Variants in LMNTD1 observed in about 807,000 individuals in gnomAD.
The protein encoded by LMNTD1 is lamin tail domain containing 1.
In LMNTD1, 35 loss-of-function variants were observed where a neutral mutation model predicts 50.9. The ratio of observed to expected loss-of-function variants is 0.69; its 90% confidence interval spans 0.53 to 0.91. The LOEUF is 0.91. LMNTD1 is among the 40% of genes least tolerant of loss of function. LMNTD1 has a pLI of 0.00. For synonymous variants in LMNTD1, 153 were observed against 161.9 expected (o/e 0.94, Z 0.42); for missense variants, 470 against 475.5 (o/e 0.99, Z 0.11).
At chr12:25,522,776 T>C (rs1049133675) in intron 6 of LMNTD1, among the ~76,000 whole-genome samples, 3 of 151,916 alleles carry the variant, frequency 2.0e-5, no homozygotes, top group Non-Finnish European at 4.4e-5. Context: ...TGCAAACCTG[T>C]CCCTGCTTTA....
chr12:25,621,891 T>C (rs894622955), intron 1 of LMNTD1, among the ~76,000 whole-genome samples: 1 of 152,218 alleles, frequency 6.6e-6, no homozygotes, highest in South Asian at 2.1e-4. Context: ...CAGAGGGTTC[T>C]GGACAGAAAA....
chr12:25,632,186 T>A (rs1946733734), intron 1 of LMNTD1, among the ~76,000 whole-genome samples: 2 of 152,338 alleles, frequency 1.3e-5, no homozygotes, highest in South Asian at 4.1e-4. Flanking sequence ...TAATTGGTAT[T>A]CCTGAGGAAG....
At chr12:25,559,893 G>T (rs976768449) in intron 1 of LMNTD1, among the ~76,000 whole-genome samples, 1 of 152,054 alleles carries the variant, frequency 6.6e-6, no homozygotes, top group African/African-American at 2.4e-5. Flanking sequence ...TGATGGGGTT[G>T]ATTTTTTCTT....
At chr12:25,549,188 T>G (rs1943606386) in intron 3 of LMNTD1, 138 bp downstream of exon 3, 1 of 566,292 alleles carries the variant, frequency 1.8e-6, no homozygotes, top group Admixed American at 3.3e-5. Context: ...GTTAAGTTAC[T>G]TTTCATAAGA....
At chr12:25,619,270 ATATATATATG>A (rs1170524283) in intron 1 of LMNTD1, among the ~76,000 whole-genome samples, 5,438 of 72,140 alleles carry the variant, frequency 0.075, 145 homozygotes, top group Middle Eastern at 0.11. Flanking sequence ...ATATATATAT[ATATATATATG>A]TATAGCTAAC....
rs1427535453 is a variant in LMNTD1 at position 25,601,764 on chromosome 12, C to A, written c.58+46730G>T. Among the ~76,000 whole-genome samples the A allele has an allele frequency of 2.6e-5, 4 of 151,754 alleles. No homozygotes were observed. In the East Asian group the frequency reaches 7.7e-4, roughly 29 times the overall value. ...ACAATTGCTGCAAAATAAGTTAATC[C>A]TTTTCTTTGACTTATTTATTAATTT... On this transcript the variant is annotated intron_variant, in intron 1 of 7. Transcript: ENST00000445693.
At chr12:25,481,267 C>G (rs1938434975) in intron 9 of LMNTD1, among the ~76,000 whole-genome samples, 1 of 151,966 alleles carries the variant, frequency 6.6e-6, no homozygotes, top group South Asian at 2.1e-4. Context: ...ATATCACCAC[C>G]TTCCAACATG....
chr12:25,484,338 A>T (rs932353199), intron 9 of LMNTD1, among the ~76,000 whole-genome samples: 3 of 151,846 alleles, frequency 2.0e-5, no homozygotes, highest in African/African-American at 7.3e-5. Context: ...AGTTCAAACA[A>T]ACCTCTGGCC....
intron 4 of LMNTD1, among the ~76,000 whole-genome samples, chr12:25,537,628 C>G: frequency 6.6e-6 from 1 of 151,708 alleles, no homozygotes; most frequent in African/African-American, 2.4e-5. Flanking sequence ...GGGGAAAAAA[C>G]AGAAGAGAAA....
rs552586887 is a variant in LMNTD1 at position 25,623,467 on chromosome 12, T to A, written c.58+25027A>T. ...TACTCCAGAGGCTGAGGTGAGAGAATCACTTGAACCCAGGAGGTGGAGATT... is the reference window on the plus strand; with the variant it reads ...TACTCCAGAGGCTGAGGTGAGAGAAACACTTGAACCCAGGAGGTGGAGATT... On this transcript the variant is annotated intron_variant, in intron 1 of 7. Coordinates refer to the LMNTD1 transcript ENST00000445693. Among the ~76,000 whole-genome samples, 45 of 139,818 alleles carry A rather than the reference T, an allele frequency of 3.2e-4. No homozygotes were observed. The Admixed American group carries it at 3.3e-3, about 10-fold the overall frequency. 91.7% of individuals were successfully genotyped at this position (139,818 alleles called of 152,430 possible).
chr12:25,538,170 T>C lies in LMNTD1; in HGVS notation c.491+8204A>G, dbSNP rs375638823. Among the ~76,000 whole-genome samples, 4 of 78,148 alleles carry C rather than the reference T, an allele frequency of 5.1e-5. 2 individuals carry two copies. The highest frequency in any genetic ancestry group is 7.8e-5 in the African/African-American group (2 of 25,738). The allele number at this position is 78,148 out of a possible 152,430, so 51.3% of individuals were successfully genotyped here. Reference sequence around the variant, plus strand: ...CTCTGCAGGATATTATCCAGGAGAATTTCCCCAATCTAGCAAGGCAGGCCA... The same window carrying C: ...CTCTGCAGGATATTATCCAGGAGAACTTCCCCAATCTAGCAAGGCAGGCCA... On this transcript the variant is annotated intron_variant, in intron 4 of 9. Transcript: ENST00000458174.
chr12:25,572,272 C>G (rs1042454424), intron 1 of LMNTD1, among the ~76,000 whole-genome samples: 11 of 152,136 alleles, frequency 7.2e-5, no homozygotes, highest in Admixed American at 2.0e-4. Context: ...GGGAAAGGTC[C>G]TTTAGTGCTA....
intron 8 of LMNTD1, among the ~76,000 whole-genome samples, chr12:25,507,710 A>T (rs573548470): frequency 6.6e-6 from 1 of 152,358 alleles, no homozygotes; most frequent in South Asian, 2.1e-4. Flanking sequence ...ATGTTGACAC[A>T]TAATCCTACT....
intron 4 of LMNTD1, among the ~76,000 whole-genome samples, chr12:25,537,509 G>C (rs10842574): frequency 6.6e-6 from 1 of 151,164 alleles, no homozygotes; most frequent in Admixed American, 6.6e-5. Flanking sequence ...TGCAGCTGAG[G>C]GTCCTGTCTG....
chr12:25,513,656 A>C (rs964259722), intron 8 of LMNTD1, among the ~76,000 whole-genome samples: 2 of 152,174 alleles, frequency 1.3e-5, no homozygotes, highest in African/African-American at 4.8e-5. Flanking sequence ...AAGCAAACAA[A>C]CAAGCAAACA....
At chr12:25,555,793 T>C (rs566513403), upstream of LMNTD1, among the ~76,000 whole-genome samples, 5 of 152,194 alleles carry the variant, frequency 3.3e-5, no homozygotes, top group South Asian at 1.0e-3. Flanking sequence ...ATGATTATTT[T>C]TGACTGCAAA....
chr12:25,533,644 A>C (rs1173736358), intron 4 of LMNTD1, among the ~76,000 whole-genome samples: 1 of 152,172 alleles, frequency 6.6e-6, no homozygotes, highest in East Asian at 1.9e-4. Context: ...AGAGTCCTTA[A>C]ATTTTTAAAG....
chr12:25,609,920 CT>C (rs1313729954), intron 1 of LMNTD1, among the ~76,000 whole-genome samples: 2 of 152,148 alleles, frequency 1.3e-5, no homozygotes, highest in African/African-American at 4.8e-5. Flanking sequence ...TTTCTGTTGC[CT>C]TTTTTTCAGC....
At chr12:25,555,730 G>T (rs562708366), upstream of LMNTD1, among the ~76,000 whole-genome samples, 22 of 152,252 alleles carry the variant, frequency 1.4e-4, no homozygotes, top group Admixed American at 1.3e-3. Flanking sequence ...GTTGGGCCAT[G>T]ACTTGTAATT....
Sources: allele counts gnomAD v4.1 joint callset (sites outside exome capture counted in the v4.1 genomes callset), GRCh38; gene constraint gnomAD v4.1.1; transcripts MANE v1.5; gene names NCBI Gene and HGNC (gene_info 2026-07-23, HGNC 2026-07-21).